The following NARS2 variants were observed in gnomAD, a reference collection of about 807,000 sequenced individuals.
NARS2 encodes asparaginyl-tRNA synthetase.
Under a neutral mutation model 62.9 loss-of-function variants are expected in NARS2, and 60 were observed. The ratio of observed to expected loss-of-function variants is 0.95; its 90% confidence interval spans 0.77 to 1.18. The LOEUF (loss-of-function observed/expected upper bound fraction) is 1.18. Ranked by LOEUF, NARS2 falls within the 50% of genes most tolerant of loss-of-function variation. The pLI is 0.00. For missense variants in NARS2, 619 were observed against 576.4 expected, an observed-to-expected ratio of 1.07 and a Z score of -0.76; for synonymous variants, 196 against 200.0, an observed-to-expected ratio of 0.98 and a Z score of 0.17.
chr11:78,497,445 C>T (rs1234772060), intron 6 of NARS2, among the ~76,000 whole-genome samples: 1 of 152,040 alleles, frequency 6.6e-6, no homozygotes, highest in African/African-American at 2.4e-5. Context: ...TTGGGAAGAA[C>T]TTATTCAGCA....
At chr11:78,492,155 T>C (rs1039870989) in intron 7 of NARS2, among the ~76,000 whole-genome samples, 20 of 151,798 alleles carry the variant, frequency 1.3e-4, no homozygotes, top group Admixed American at 1.2e-3. Flanking sequence ...TTTATCTACC[T>C]GATCTTCTCA....
intron 1 of NARS2, 148 bp downstream of exon 1, chr11:78,574,200 A>G: frequency 1.0e-6 from 1 of 969,238 alleles, no homozygotes; most frequent in Non-Finnish European, 1.6e-6. Flanking sequence ...AATGGAAATC[A>G]GAAAAGTGCA....
chr11:78,465,950 C>T lies in NARS2; in HGVS notation c.1090G>A (p.Val364Ile). 4 of 1,613,980 alleles carry T rather than the reference C, an allele frequency of 2.5e-6. No individual in the cohort carries two copies. Among genetic ancestry groups the T allele is most frequent in the Non-Finnish European group, 3.4e-6 (4 of 1,179,930 alleles). The change falls in exon 11 of 14, where the codon GTC (valine) becomes ATC (isoleucine). Residue 364 changes from valine (V) to isoleucine (I), a missense_variant. Val to Ile is a conservative substitution (Grantham distance 29). Coordinates refer to ENST00000281038, the MANE Select transcript of NARS2 (RefSeq NM_024678.6). ...GTTAATGGATAATTAATAACGAAGACAGGTATGTTGCCACAGTGCTTCACC... is the reference window on the plus strand; with the variant it reads ...GTTAATGGATAATTAATAACGAAGATAGGTATGTTGCCACAGTGCTTCACC... ...YLVKHCGNIP[V>I]FVINYPLTLK...
At chr11:78,517,043 G>A (rs1221699872) in intron 6 of NARS2, among the ~76,000 whole-genome samples, 1 of 152,154 alleles carries the variant, frequency 6.6e-6, no homozygotes, top group South Asian at 2.1e-4. Context: ...GCCAGACAAA[G>A]GCATGGCGAA....
intron 3 of NARS2, among the ~76,000 whole-genome samples, chr11:78,566,763 C>CAAAG (rs1236486967): frequency 1.3e-5 from 2 of 152,126 alleles, no homozygotes; most frequent in African/African-American, 4.8e-5. Flanking sequence ...CGTGCTACTT[C>CAAAG]CATCTAGCAG....
intron 12 of NARS2, among the ~76,000 whole-genome samples, chr11:78,442,124 G>C (rs539554970): frequency 6.6e-6 from 1 of 152,214 alleles, no homozygotes; most frequent in Non-Finnish European, 1.5e-5. Flanking sequence ...TTAATGTTAC[G>C]AGGAAAGGTT....
chr11:78,527,457 T>C (rs1006072299), intron 6 of NARS2, among the ~76,000 whole-genome samples: 17 of 152,220 alleles, frequency 1.1e-4, no homozygotes, highest in East Asian at 1.9e-4. Flanking sequence ...TTTTTCTGCA[T>C]AGTATTCTGC....
chr11:78,550,722 C>T (rs763491456), intron 5 of NARS2, among the ~76,000 whole-genome samples: 1 of 152,134 alleles, frequency 6.6e-6, no homozygotes, highest in Non-Finnish European at 1.5e-5. Context: ...TACAACATGA[C>T]CCAGAAATTC....
chr11:78,551,108 G>T (rs1373677641), intron 5 of NARS2, among the ~76,000 whole-genome samples: 2 of 152,140 alleles, frequency 1.3e-5, no homozygotes, highest in African/African-American at 4.8e-5. Flanking sequence ...TATTTTTGGG[G>T]TGATAAAAAT....
At chr11:78,539,848 A>T (rs963236103) in intron 5 of NARS2, among the ~76,000 whole-genome samples, 5 of 152,174 alleles carry the variant, frequency 3.3e-5, no homozygotes, top group Non-Finnish European at 7.3e-5. Flanking sequence ...ATGCTCTGTT[A>T]AGGCATTCAT....
At chr11:78,485,378 T>C (rs748908714) in intron 7 of NARS2, among the ~76,000 whole-genome samples, 2 of 151,882 alleles carry the variant, frequency 1.3e-5, no homozygotes, top group African/African-American at 4.8e-5. Flanking sequence ...GTTCTGCACA[T>C]GTATCCCAGA....
intron 11 of NARS2, among the ~76,000 whole-genome samples, chr11:78,454,329 T>A (rs1429656063): frequency 6.6e-6 from 1 of 152,180 alleles, no homozygotes; most frequent in African/African-American, 2.4e-5. Flanking sequence ...GGGCAGGTGT[T>A]GGATCATGGG....
chr11:78,522,691 G>A (rs998383673), intron 6 of NARS2, among the ~76,000 whole-genome samples: 1 of 152,120 alleles, frequency 6.6e-6, no homozygotes, highest in African/African-American at 2.4e-5. Flanking sequence ...AAAATGTTTT[G>A]CAATTATGGG....
At chr11:78,479,707 G>C (rs149609211) in intron 7 of NARS2, among the ~76,000 whole-genome samples, 45 of 152,332 alleles carry the variant, frequency 3.0e-4, no homozygotes, top group African/African-American at 9.6e-4. Flanking sequence ...GTGCACATAT[G>C]TATAAAGTAG....
At position 78,502,706 on chromosome 11, in the gene NARS2, T is replaced by G. The variant is rs985684273; in HGVS notation, c.690-9511A>C. On this transcript the variant is annotated intron_variant, in intron 6 of 13. Coordinates refer to ENST00000281038, the MANE Select transcript of NARS2 (RefSeq NM_024678.6). The stretch of plus-strand genomic sequence containing the variant: ...CACAACACATTTTTTAAAAGTTGAC[T>G]GAGGCCAGGCGCGGCGCCTCACGCC... Among the ~76,000 whole-genome samples, 11 of 152,280 alleles carry G rather than the reference T, an allele frequency of 7.2e-5. No homozygotes were observed. In the East Asian group the frequency reaches 2.1e-3, roughly 29 times the overall value.
chr11:78,468,167 C>T (rs1056026082), intron 10 of NARS2, among the ~76,000 whole-genome samples: 4 of 151,004 alleles, frequency 2.6e-5, no homozygotes, highest in Non-Finnish European at 5.9e-5. Context: ...GGCATCATAA[C>T]GAGACCTCCA....
chr11:78,493,202 T>C lies in NARS2; in HGVS notation c.690-7A>G. ...AAACACTTGAGTAAAAGCTCTGCAA[T>C]TCAAGATTAAGAGAATGCAAATAGA... On this transcript the variant is annotated splice_region_variant and splice_polypyrimidine_tract_variant and intron_variant, in intron 6 of 13. Coordinates refer to ENST00000281038, the MANE Select transcript of NARS2 (RefSeq NM_024678.6). 1 of 1,609,558 alleles carries C rather than the reference T, an allele frequency of 6.2e-7. No individual in the cohort carries two copies. The highest frequency in any genetic ancestry group is 8.5e-7 in the Non-Finnish European group (1 of 1,178,902).
intron 9 of NARS2, among the ~76,000 whole-genome samples, chr11:78,469,571 C>T (rs1380421777): frequency 6.6e-6 from 1 of 152,200 alleles, no homozygotes; most frequent in Non-Finnish European, 1.5e-5. Flanking sequence ...TCTCTGAATC[C>T]ATGATATGCC....
intron 12 of NARS2, among the ~76,000 whole-genome samples, chr11:78,443,251 C>T (rs193004126): frequency 1.1e-4 from 16 of 149,616 alleles, no homozygotes; most frequent in East Asian, 3.9e-4. Context: ...GCGTGAACCC[C>T]GGGAGGCAGA....
Sources: gnomAD v4.1 joint callset for allele counts (sites outside exome capture counted in the v4.1 genomes callset) on GRCh38, gnomAD v4.1.1 for gene constraint, MANE v1.5 for transcripts, NCBI Gene and HGNC (gene_info 2026-07-23, HGNC 2026-07-21) for gene names.